Variants in FGF14 observed in about 807,000 individuals in gnomAD.
FGF14 encodes the protein fibroblast growth factor 14, also known as fibroblast growth factor homologous factor 4.
In FGF14, 5 loss-of-function variants were observed where a neutral mutation model predicts 25.5. The ratio of observed to expected loss-of-function variants is 0.20; its 90% confidence interval spans 0.10 to 0.41. FGF14 has a LOEUF of 0.41. Among genes scored for constraint, FGF14 ranks in the 10% least tolerant of loss-of-function variants. FGF14 has a pLI of 1.00. For synonymous variants in FGF14, 138 were observed against 118.3 expected, an observed-to-expected ratio of 1.17 and a Z score of -1.08; for missense variants, 222 against 320.1, an observed-to-expected ratio of 0.69 and a Z score of 2.34.
chr13:101,946,659 G>T (rs1221564791), intron 1 of FGF14, among the ~76,000 whole-genome samples: 1 of 152,184 alleles, frequency 6.6e-6, no homozygotes, highest in African/African-American at 2.4e-5. Flanking sequence ...ACCATGAACA[G>T]TTGCTGTAAC....
At chr13:102,362,728 C>T (rs1282985678) in intron 1 of FGF14, among the ~76,000 whole-genome samples, 5 of 152,086 alleles carry the variant, frequency 3.3e-5, no homozygotes, top group African/African-American at 9.7e-5. Context: ...GGTCCCCACA[C>T]CACTATTTTA....
intron 1 of FGF14, among the ~76,000 whole-genome samples, chr13:102,374,891 TA>T (rs2058001807): frequency 6.6e-6 from 1 of 151,718 alleles, no homozygotes; most frequent in African/African-American, 2.4e-5. Context: ...ACAATTTCAT[TA>T]AAATACAGGC....
intron 1 of FGF14, among the ~76,000 whole-genome samples, chr13:101,908,081 C>T (rs1332764642): frequency 6.6e-6 from 1 of 151,970 alleles, no homozygotes; most frequent in African/African-American, 2.4e-5. Context: ...GGAGAGGAGA[C>T]ATAAGAGGTT....
chr13:101,744,722 C>T (rs1475355166), intron 3 of FGF14, among the ~76,000 whole-genome samples: 3 of 151,966 alleles, frequency 2.0e-5, no homozygotes, highest in Admixed American at 6.6e-5. Flanking sequence ...AGATCTAGAG[C>T]TGCAAAACAA....
chr13:101,850,352 G>A (rs1347434022), intron 3 of FGF14, among the ~76,000 whole-genome samples: 1 of 144,674 alleles, frequency 6.9e-6, no homozygotes, highest in Non-Finnish European at 1.5e-5. Flanking sequence ...TCCTCGGGAG[G>A]CTGAGATAGG....
At chr13:102,084,347 C>T (rs955970630) in intron 1 of FGF14, among the ~76,000 whole-genome samples, 2 of 152,166 alleles carry the variant, frequency 1.3e-5, no homozygotes, top group African/African-American at 4.8e-5. Flanking sequence ...GGGTCACAGT[C>T]ATATGCCCCA....
chr13:102,087,998 G>C lies in FGF14; in HGVS notation c.209-212702C>G, dbSNP rs893701406. On this transcript the variant is annotated intron_variant, in intron 1 of 4. Transcript: ENST00000376131. ...TCTATATGTATGTAAAAATAATTTT[G>C]AGAATGACTTATGGTGGTTACTTAA... Among the ~76,000 whole-genome samples the C allele has an allele frequency of 2.0e-4, 31 of 152,078 alleles. 1 individual carries two copies. Among genetic ancestry groups the C allele is most frequent in the Admixed American group, 2.0e-3 (30 of 15,268 alleles).
chr13:102,213,347 T>C (rs1323425627), intron 1 of FGF14, among the ~76,000 whole-genome samples: 3 of 152,218 alleles, frequency 2.0e-5, no homozygotes, highest in African/African-American at 7.2e-5. Flanking sequence ...AATAACATAA[T>C]TCCTCCTAGA....
At chr13:102,084,830 G>A (rs1416883800) in intron 1 of FGF14, among the ~76,000 whole-genome samples, 8 of 152,194 alleles carry the variant, frequency 5.3e-5, no homozygotes, top group African/African-American at 1.9e-4. Flanking sequence ...TAGATGGAGT[G>A]CTTTGTTAAG....
intron 3 of FGF14, among the ~76,000 whole-genome samples, chr13:101,734,832 T>C (rs2036065774): frequency 6.6e-6 from 1 of 152,226 alleles, no homozygotes; most frequent in African/African-American, 2.4e-5. Context: ...GTTACTTTCA[T>C]CAAGATAAAT....
At chr13:101,867,926 A>G (rs939557254) in intron 3 of FGF14, among the ~76,000 whole-genome samples, 1 of 148,466 alleles carries the variant, frequency 6.7e-6, no homozygotes, top group Admixed American at 6.8e-5. Context: ...ACACACACAC[A>G]CACACACACG....
At chr13:102,360,803 G>T (rs1397033680) in intron 1 of FGF14, among the ~76,000 whole-genome samples, 2 of 152,030 alleles carry the variant, frequency 1.3e-5, no homozygotes, top group East Asian at 3.9e-4. Context: ...ATGTCCTCGT[G>T]TCTTAACCAA....
intron 3 of FGF14, among the ~76,000 whole-genome samples, chr13:101,826,785 G>A (rs1248431234): frequency 2.0e-5 from 3 of 151,790 alleles, no homozygotes; most frequent in South Asian, 2.1e-4. Context: ...TTTAACAGAC[G>A]TCTGCAAATA....
chr13:101,828,355 C>A (rs183141756), intron 3 of FGF14, among the ~76,000 whole-genome samples: 2 of 152,138 alleles, frequency 1.3e-5, no homozygotes, highest in Admixed American at 1.3e-4. Flanking sequence ...TGGATCCTGC[C>A]TCCAAGTCAC....
chr13:102,296,398 G>A (rs1420285183), intron 1 of FGF14, among the ~76,000 whole-genome samples: 1 of 152,106 alleles, frequency 6.6e-6, no homozygotes, highest in Non-Finnish European at 1.5e-5. Flanking sequence ...CACCGTATTG[G>A]AATCACTTTG....
At chr13:101,758,216 A>G (rs929557747) in intron 3 of FGF14, among the ~76,000 whole-genome samples, 1 of 152,230 alleles carries the variant, frequency 6.6e-6, no homozygotes, top group African/African-American at 2.4e-5. Flanking sequence ...ATCTAAAGAA[A>G]AACTATGAAG....
chr13:102,064,273 A>C (rs548667040), intron 1 of FGF14, among the ~76,000 whole-genome samples: 3 of 152,204 alleles, frequency 2.0e-5, no homozygotes, highest in African/African-American at 7.2e-5. Context: ...TTACTGCCTT[A>C]TCAGAAGTCA....
intron 3 of FGF14, among the ~76,000 whole-genome samples, chr13:101,741,047 C>A (rs554595592): frequency 5.9e-4 from 90 of 152,276 alleles, no homozygotes; most frequent in African/African-American, 2.1e-3. Flanking sequence ...AGGACAATGG[C>A]CATGATAGAC....
chr13:102,235,263 A>G (rs1397447373), intron 1 of FGF14, among the ~76,000 whole-genome samples: 1 of 152,242 alleles, frequency 6.6e-6, no homozygotes, highest in Non-Finnish European at 1.5e-5. Flanking sequence ...CATGTAGGAT[A>G]ATATTAAAAT....
Sources: gnomAD v4.1 joint callset for allele counts (sites outside exome capture counted in the v4.1 genomes callset) on GRCh38, gnomAD v4.1.1 for gene constraint, MANE v1.5 for transcripts, NCBI Gene and HGNC (gene_info 2026-07-23, HGNC 2026-07-21) for gene names.